The following USP25 variants were observed in gnomAD, a reference collection of about 807,000 sequenced individuals.
USP25 encodes ubiquitin carboxyl-terminal hydrolase 25.
Under a neutral mutation model 158.5 loss-of-function variants are expected in USP25, and 85 were observed. The ratio of observed to expected loss-of-function variants is 0.54; its 90% confidence interval spans 0.45 to 0.64. The LOEUF (loss-of-function observed/expected upper bound fraction) is 0.64. USP25 is among the 30% of genes least tolerant of loss of function. The probability of loss-of-function intolerance (pLI) is 0.00; values close to 1 mark genes in which losing one functional copy is unlikely to be tolerated. For synonymous variants in USP25, 464 were observed against 460.4 expected, an observed-to-expected ratio of 1.01 and a Z score of -0.10; for missense variants, 1,242 against 1,327.3, an observed-to-expected ratio of 0.94 and a Z score of 1.00.
chr21:15,770,750 A>C (rs1407364258), intron 3 of USP25, among the ~76,000 whole-genome samples: 1 of 152,194 alleles, frequency 6.6e-6, no homozygotes, highest in Non-Finnish European at 1.5e-5. Flanking sequence ...CTACCAGATC[A>C]GTGCACATAA....
Position 15,811,197 on chromosome 21 carries a change from G to A in USP25, c.918G>A (p.Val306=), listed in dbSNP as rs776709124. The A allele has an allele frequency of 1.9e-6, 3 of 1,612,438 alleles. No individual in the cohort carries two copies. The South Asian group carries it at 3.3e-5, about 18-fold the overall frequency. Reference sequence around the variant, plus strand: ...TGTTCTATGGCAGATTCCTGGCTGTGGGAGTACTTGAAGGTAGAGTTATAC... The same window carrying A: ...TGTTCTATGGCAGATTCCTGGCTGTAGGAGTACTTGAAGGTAGAGTTATAC... ...VELFYGRFLA[V]GVLEGKKFEN... Residue 306 remains valine (V), a synonymous_variant, in exon 9 of 26, where the codon GTG becomes GTA. Coordinates refer to ENST00000400183, the MANE Select transcript of USP25 (RefSeq NM_001283041.3).
chr21:15,847,429 T>C (rs1448971255), intron 18 of USP25, among the ~76,000 whole-genome samples: 2 of 152,208 alleles, frequency 1.3e-5, no homozygotes, highest in East Asian at 3.9e-4. Context: ...TTGCTTCTGA[T>C]GTTCAGTTTT....
At chr21:15,757,786 CAAAAGGAAATACAT>C (rs2033475781) in intron 1 of USP25, among the ~76,000 whole-genome samples, 1 of 152,084 alleles carries the variant, frequency 6.6e-6, no homozygotes, top group Non-Finnish European at 1.5e-5. Flanking sequence ...TCATCCATGA[CAAAAGGAAATACAT>C]CATGTGTGAG....
intron 10 of USP25, 104 bp from the exon 11 acceptor site, chr21:15,823,935 G>A: frequency 1.7e-6 from 2 of 1,152,168 alleles, no homozygotes; most frequent in South Asian, 3.1e-5. Flanking sequence ...CCGCATTGTG[G>A]TGATACATAT....
intron 1 of USP25, among the ~76,000 whole-genome samples, chr21:15,730,970 T>A (rs1159375161): frequency 1.5e-5 from 2 of 135,788 alleles, no homozygotes; most frequent in African/African-American, 5.8e-5. Context: ...CTTCTTCTTC[T>A]TTTCTGTTTT....
intron 1 of USP25, among the ~76,000 whole-genome samples, chr21:15,760,299 C>G (rs776535125): frequency 4.0e-4 from 61 of 152,180 alleles, no homozygotes; most frequent in Admixed American, 1.3e-4. Flanking sequence ...TTCTCTTTAT[C>G]CTACCTAGAA....
intron 14 of USP25, among the ~76,000 whole-genome samples, chr21:15,829,591 T>G (rs1327838382): frequency 6.6e-6 from 1 of 152,344 alleles, no homozygotes; most frequent in Non-Finnish European, 1.5e-5. Flanking sequence ...TATATTGTTC[T>G]GTAAATTTCT....
intron 1 of USP25, among the ~76,000 whole-genome samples, chr21:15,733,932 G>A (rs1358025574): frequency 6.6e-6 from 1 of 152,178 alleles, no homozygotes; most frequent in Non-Finnish European, 1.5e-5. Context: ...TGAAAGACAG[G>A]ATGTGGGATA....
chr21:15,754,533 T>C (rs554635596), intron 1 of USP25, among the ~76,000 whole-genome samples: 1 of 152,332 alleles, frequency 6.6e-6, no homozygotes, highest in East Asian at 1.9e-4. Context: ...TTAACCATAG[T>C]GTATTATTAT....
chr21:15,843,185 T>C lies in USP25; in HGVS notation c.2337+645T>C, dbSNP rs2038421583. Among the ~76,000 whole-genome samples the C allele has an allele frequency of 6.6e-6, 1 of 152,182 alleles. No homozygotes were observed. On this transcript the variant is annotated intron_variant, in intron 18 of 25. Transcript: ENST00000400183. The surrounding 1 kb of genome is among the most constrained non-coding windows in gnomAD (Gnocchi z 4.0). ...TGTGTTATCAGTGAATATGGCATTC[T>C]GAGAGAAGCTATTTCAAGAATTTGT...
chr21:15,821,495 C>T (rs549677521), intron 10 of USP25, among the ~76,000 whole-genome samples: 3 of 152,026 alleles, frequency 2.0e-5, no homozygotes, highest in Admixed American at 2.0e-4. Context: ...AATTTCCCTT[C>T]ACAAAGTTGT....
chr21:15,758,857 C>T (rs900879726), intron 1 of USP25, among the ~76,000 whole-genome samples: 4 of 152,050 alleles, frequency 2.6e-5, no homozygotes, highest in Non-Finnish European at 4.4e-5. Context: ...TGGGAAAAAC[C>T]CGCCCCCATG....
At chr21:15,784,113 G>A (rs1292549772) in intron 4 of USP25, among the ~76,000 whole-genome samples, 2 of 152,204 alleles carry the variant, frequency 1.3e-5, no homozygotes. Flanking sequence ...ATGAAAATAT[G>A]TGAAAATACA....
chr21:15,830,087 G>T (rs960784347), intron 14 of USP25, among the ~76,000 whole-genome samples: 1 of 152,082 alleles, frequency 6.6e-6, no homozygotes, highest in Non-Finnish European at 1.5e-5. Context: ...AGAAATAATT[G>T]TCATGGGAGT....
In USP25 at chr21:15,840,693, G is replaced by A. The variant is rs1371582575; in HGVS notation, c.2195-1705G>A. ...AACCTTGGCCCTGGTGACCTAAGGT[G>A]GATTTGACATGTGTTGATCAGATAA... On this transcript the variant is annotated intron_variant, in intron 17 of 25. Coordinates refer to ENST00000400183, the MANE Select transcript of USP25 (RefSeq NM_001283041.3). Among the ~76,000 whole-genome samples, 3 of 152,140 alleles carry A rather than the reference G, an allele frequency of 2.0e-5. No homozygotes were observed. The East Asian group carries it at 5.8e-4, about 29-fold the overall frequency.
intron 14 of USP25, among the ~76,000 whole-genome samples, chr21:15,830,208 T>C (rs899904956): frequency 6.6e-6 from 1 of 152,190 alleles, no homozygotes; most frequent in Non-Finnish European, 1.5e-5. Context: ...ACTTGTGTTA[T>C]AGCAATATGT....
At chr21:15,871,922 CGGAGGTT>C in intron 23 of USP25, among the ~76,000 whole-genome samples, 1 of 145,244 alleles carries the variant, frequency 6.9e-6, no homozygotes, top group Non-Finnish European at 1.5e-5. Flanking sequence ...ACCCGGGAGG[CGGAGGTT>C]GTGGTGAGCC....
chr21:15,747,050 A>T (rs1194401849), intron 1 of USP25, among the ~76,000 whole-genome samples: 1 of 152,142 alleles, frequency 6.6e-6, no homozygotes, highest in Non-Finnish European at 1.5e-5. Flanking sequence ...CTATTTGTTT[A>T]TATATCTTTT....
intron 9 of USP25, among the ~76,000 whole-genome samples, chr21:15,815,724 G>GA (rs971042401): frequency 1.8e-4 from 28 of 151,972 alleles, no homozygotes; most frequent in South Asian, 6.2e-4. Flanking sequence ...CTCTTCTCAG[G>GA]AAAAAAATCA....
Sources: gnomAD v4.1 joint callset for allele counts (sites outside exome capture counted in the v4.1 genomes callset) on GRCh38, gnomAD v4.1.1 for gene constraint, Gnocchi (gnomAD v3.1) non-coding constraint, MANE v1.5 for transcripts, NCBI Gene and HGNC (gene_info 2026-07-23, HGNC 2026-07-21) for gene names.